Variants in LHFPL3 observed in about 807,000 individuals in gnomAD.
LHFPL3 encodes LHFPL tetraspan subfamily member 3, also known as LHFPL tetraspan subfamily member 3 protein.
A neutral mutation model predicts 19.3 loss-of-function variants in LHFPL3; 5 were observed. That is an observed-to-expected ratio of 0.26 (90% CI 0.14 to 0.54). LHFPL3 has a LOEUF of 0.54. LHFPL3 is among the 20% of genes least tolerant of loss of function. The probability of loss-of-function intolerance (pLI) is 0.94; values close to 1 mark genes in which losing one functional copy is unlikely to be tolerated. For missense variants in LHFPL3, 249 were observed against 307.4 expected (o/e 0.81, Z 1.42); for synonymous variants, 133 against 126.2 (o/e 1.05, Z -0.36).
intron 1 of LHFPL3, among the ~76,000 whole-genome samples, chr7:104,595,307 T>C (rs776628692): frequency 3.9e-5 from 6 of 152,212 alleles, no homozygotes; most frequent in Non-Finnish European, 8.8e-5. Context: ...CTCTCAGCTA[T>C]AGGTCTGTTG....
chr7:104,521,632 C>G (rs541051963), intron 1 of LHFPL3, among the ~76,000 whole-genome samples: 2 of 152,096 alleles, frequency 1.3e-5, no homozygotes, highest in African/African-American at 4.8e-5. Context: ...TTTTTGCAAC[C>G]TACTCATCTG....
intron 2 of LHFPL3, among the ~76,000 whole-genome samples, chr7:104,783,512 A>T (rs1789853215): frequency 6.6e-6 from 1 of 152,246 alleles, no homozygotes; most frequent in Non-Finnish European, 1.5e-5. Context: ...TCTTCTAGAG[A>T]GGTAGACTGC....
At chr7:104,711,078 A>G (rs529892334) in intron 1 of LHFPL3, among the ~76,000 whole-genome samples, 2 of 152,368 alleles carry the variant, frequency 1.3e-5, no homozygotes, top group South Asian at 4.1e-4. Context: ...CTAGAGATAA[A>G]GGAACAGAAT....
chr7:104,774,123 C>A (rs1380186141), intron 2 of LHFPL3, among the ~76,000 whole-genome samples: 1 of 152,174 alleles, frequency 6.6e-6, no homozygotes, highest in Non-Finnish European at 1.5e-5. Flanking sequence ...AGCTTCAAAT[C>A]CCATTTGGAA....
At chr7:104,349,550 G>A (rs1353730012) in intron 1 of LHFPL3, among the ~76,000 whole-genome samples, 1 of 152,194 alleles carries the variant, frequency 6.6e-6, no homozygotes, top group East Asian at 1.9e-4. Flanking sequence ...ACTTTGTGAT[G>A]TCTGGCTGCT....
intron 2 of LHFPL3, among the ~76,000 whole-genome samples, chr7:104,868,128 A>G (rs1372733592): frequency 1.3e-5 from 2 of 152,316 alleles, no homozygotes; most frequent in East Asian, 3.9e-4. Flanking sequence ...TATCATACTG[A>G]ATGGGCAAAA....
Position 104,576,511 on chromosome 7 carries a change from A to G in LHFPL3, c.446-160164A>G, listed in dbSNP as rs139872542. Among the ~76,000 whole-genome samples the G allele has an allele frequency of 1.3e-3, 192 of 152,270 alleles. 1 individual carries two copies. Among genetic ancestry groups the G allele is most frequent in the African/African-American group, 4.4e-3 (181 of 41,568 alleles). On this transcript the variant is annotated intron_variant, in intron 1 of 2. Coordinates refer to ENST00000424859, the MANE Select transcript of LHFPL3 (RefSeq NM_199000.3). ...CTTCAAGCCACTGCTTGGCATTGCT[A>G]TTAGTTCTTAACCTTCCAGACTATC... is the stretch of plus-strand genomic sequence containing the variant.
At chr7:104,838,464 C>T (rs1340238441) in intron 2 of LHFPL3, among the ~76,000 whole-genome samples, 1 of 152,184 alleles carries the variant, frequency 6.6e-6, no homozygotes, top group Non-Finnish European at 1.5e-5. Flanking sequence ...ATGTGGCTGA[C>T]TTGAGTATAA....
chr7:104,664,463 C>T (rs1390119321), intron 1 of LHFPL3, among the ~76,000 whole-genome samples: 1 of 152,116 alleles, frequency 6.6e-6, no homozygotes, highest in Admixed American at 6.5e-5. Context: ...GGTCAGGTAC[C>T]TTTCCTCAGC....
At chr7:104,646,984 T>C (rs1791946967) in intron 1 of LHFPL3, among the ~76,000 whole-genome samples, 2 of 152,222 alleles carry the variant, frequency 1.3e-5, no homozygotes, top group Non-Finnish European at 2.9e-5. Flanking sequence ...AACAGCCTTA[T>C]AAACAGACGT....
intron 2 of LHFPL3, among the ~76,000 whole-genome samples, chr7:104,786,035 C>A (rs1789904712): frequency 6.6e-6 from 1 of 152,196 alleles, no homozygotes; most frequent in South Asian, 2.1e-4. Flanking sequence ...CCATGTCAGA[C>A]CCTCTGTGTG....
chr7:104,606,646 G>GA (rs142596673), intron 1 of LHFPL3, among the ~76,000 whole-genome samples: 6,716 of 152,246 alleles, frequency 0.044, 171 homozygotes, highest in African/African-American at 0.063. Context: ...CTGCTGCACA[G>GA]AAAAAATCAA....
At chr7:104,377,245 C>T (rs1292622764) in intron 1 of LHFPL3, among the ~76,000 whole-genome samples, 1 of 152,152 alleles carries the variant, frequency 6.6e-6, no homozygotes, top group Non-Finnish European at 1.5e-5. Flanking sequence ...TTTAAACCAT[C>T]CCTAGGAAAG....
intron 1 of LHFPL3, among the ~76,000 whole-genome samples, chr7:104,380,637 G>A (rs1413666588): frequency 6.6e-6 from 1 of 152,124 alleles, no homozygotes; most frequent in Non-Finnish European, 1.5e-5. Context: ...TCCTACAAAA[G>A]AAGAAAGAGT....
At chr7:104,605,005 C>T (rs780577275) in intron 1 of LHFPL3, among the ~76,000 whole-genome samples, 1 of 152,182 alleles carries the variant, frequency 6.6e-6, no homozygotes, top group Non-Finnish European at 1.5e-5. Flanking sequence ...GATTTGCTAG[C>T]CATATTCTTC....
chr7:104,486,112 G>A (rs1318280631), intron 1 of LHFPL3, among the ~76,000 whole-genome samples: 1 of 152,098 alleles, frequency 6.6e-6, no homozygotes, highest in Non-Finnish European at 1.5e-5. Context: ...GAGCAGATGT[G>A]GCAAGAGTGA....
chr7:104,712,934 T>C (rs778727109), intron 1 of LHFPL3, among the ~76,000 whole-genome samples: 6 of 152,126 alleles, frequency 3.9e-5, no homozygotes, highest in Non-Finnish European at 8.8e-5. Flanking sequence ...TATATAAAAA[T>C]CAAATCCCTG....
intron 1 of LHFPL3, among the ~76,000 whole-genome samples, chr7:104,687,774 T>G (rs1194317369): frequency 2.6e-5 from 4 of 152,196 alleles, no homozygotes; most frequent in Middle Eastern, 3.2e-3. Context: ...TCAGAGAACC[T>G]GAAGCTCTGT....
chr7:104,368,179 T>A (rs1790530948), intron 1 of LHFPL3, among the ~76,000 whole-genome samples: 1 of 152,226 alleles, frequency 6.6e-6, no homozygotes, highest in Non-Finnish European at 1.5e-5. Context: ...TTAGGAGCCC[T>A]TGCCAGGCAG....
Sources: gnomAD v4.1 joint callset for allele counts (sites outside exome capture counted in the v4.1 genomes callset) on GRCh38, gnomAD v4.1.1 for gene constraint, MANE v1.5 for transcripts, NCBI Gene and HGNC (gene_info 2026-07-23, HGNC 2026-07-21) for gene names.